The following CFAP61 variants were observed in gnomAD, a reference collection of about 807,000 sequenced individuals.
CFAP61 encodes cilia and flagella associated protein 61.
A neutral mutation model predicts 135.6 loss-of-function variants in CFAP61; 107 were observed. The ratio of observed to expected loss-of-function variants is 0.79; its 90% CI spans 0.67 to 0.93. The LOEUF (loss-of-function observed/expected upper bound fraction) is 0.93, where lower values mean the gene tolerates loss of function less well. Among genes scored for constraint, CFAP61 ranks in the 40% least tolerant of loss-of-function variants. CFAP61 has a pLI of 0.00. For synonymous variants in CFAP61, 575 were observed against 578.5 expected (o/e 0.99, Z 0.09); for missense variants, 1,507 against 1,556.2 (o/e 0.97, Z 0.53).
intron 9 of CFAP61, among the ~76,000 whole-genome samples, chr20:20,144,373 T>C (rs1456129639): frequency 2.0e-5 from 3 of 151,346 alleles, no homozygotes. Context: ...ATAAAAGATA[T>C]AAAAATGCCC....
At chr20:20,059,058 CAG>C (rs1381278629) in intron 2 of CFAP61, among the ~76,000 whole-genome samples, 1 of 152,118 alleles carries the variant, frequency 6.6e-6, no homozygotes, top group Non-Finnish European at 1.5e-5. Flanking sequence ...AGGCCGGACA[CAG>C]TGGCTCATGC....
chr20:20,185,347 G>A (rs2055420887), intron 13 of CFAP61, among the ~76,000 whole-genome samples: 1 of 152,206 alleles, frequency 6.6e-6, no homozygotes, highest in African/African-American at 2.4e-5. Context: ...GCAGAAATGT[G>A]GAGAGACACT....
intron 17 of CFAP61, among the ~76,000 whole-genome samples, chr20:20,224,614 C>T (rs1381463657): frequency 6.6e-6 from 1 of 152,050 alleles, no homozygotes; most frequent in Admixed American, 6.6e-5. Flanking sequence ...CACTTGAAAC[C>T]GGGAGGCGGA....
At chr20:20,326,131 T>C (rs1038321247) in intron 25 of CFAP61, among the ~76,000 whole-genome samples, 4 of 152,216 alleles carry the variant, frequency 2.6e-5, no homozygotes, top group African/African-American at 9.7e-5. Context: ...TCTTCTTTGG[T>C]GACGTGTCCA....
chr20:20,178,531 A>G (rs2054804040), intron 13 of CFAP61, among the ~76,000 whole-genome samples: 1 of 152,222 alleles, frequency 6.6e-6, no homozygotes, highest in Admixed American at 6.5e-5. Context: ...ATGTGGGGAA[A>G]CGTTTCAGAT....
chr20:20,060,401 A>C (rs184816638), intron 2 of CFAP61, among the ~76,000 whole-genome samples: 40 of 152,380 alleles, frequency 2.6e-4, no homozygotes, highest in African/African-American at 9.6e-4. Context: ...TGTCAACAAA[A>C]ATATGGAAAA....
intron 2 of CFAP61, 78 bp from the exon 3 acceptor site, chr20:20,070,776 C>G: frequency 7.2e-7 from 1 of 1,395,830 alleles, no homozygotes; most frequent in Non-Finnish European, 9.8e-7. Flanking sequence ...CTCCAGTAGC[C>G]AGAGGGAAAA....
chr20:20,355,103 G>T (rs1490979566), intron 26 of CFAP61, among the ~76,000 whole-genome samples: 3 of 149,560 alleles, frequency 2.0e-5, no homozygotes, highest in African/African-American at 7.4e-5. Context: ...GTCACACTGT[G>T]TGAGGGGAGG....
At chr20:20,309,778 G>A (rs140912694) in intron 25 of CFAP61, among the ~76,000 whole-genome samples, 70 of 152,142 alleles carry the variant, frequency 4.6e-4, no homozygotes, top group African/African-American at 1.4e-3. Flanking sequence ...AAGATGCCCA[G>A]GATAATTCAT....
At position 20,290,209 on chromosome 20, in the gene CFAP61, G is replaced by T. The variant is rs1601837328; in HGVS notation, c.3125-91G>T. The T allele has an allele frequency of 3.8e-5, 31 of 815,116 alleles. No individual in the cohort carries two copies. In the East Asian group the frequency reaches 7.5e-4, roughly 20 times the overall value. 50.5% of individuals were successfully genotyped at this position (815,116 alleles called of 1,614,324 possible). On this transcript the variant is annotated intron_variant, in intron 23 of 26. Transcript: ENST00000245957. The stretch of plus-strand genomic sequence containing the variant: ...AGTTTGAGGAGCATACGCCACTGCA[G>T]GCATCTGTTTGTCCTGTGATGAAAA...
intron 25 of CFAP61, among the ~76,000 whole-genome samples, chr20:20,327,077 T>C (rs2057777500): frequency 1.3e-5 from 2 of 152,152 alleles, no homozygotes; most frequent in South Asian, 2.1e-4. Flanking sequence ...AAAAAAGATA[T>C]TGGTAGTTGG....
rs1325631499 is a variant in CFAP61 at position 20,070,994 on chromosome 20, TC to T, written c.287del (p.Pro96HisfsTer5). ...VSVFRELDSD[I>X]PCTPLNTLFM... ...GTGTTCCGGGAGCTCGACAGTGACATCCCATGCACAGTAAGAAATCACATAC... is the reference window on the plus strand; with the variant it reads ...GTGTTCCGGGAGCTCGACAGTGACATCCATGCACAGTAAGAAATCACATAC... On this transcript the variant is annotated frameshift_variant, in exon 3 of 27. Transcript: ENST00000245957. LOFTEE classifies it high-confidence loss of function. 1 of 1,613,616 alleles carries T rather than the reference TC, an allele frequency of 6.2e-7. No homozygotes were observed.
intron 25 of CFAP61, among the ~76,000 whole-genome samples, chr20:20,333,013 A>C (rs2058057437): frequency 6.6e-6 from 1 of 152,222 alleles, no homozygotes; most frequent in Non-Finnish European, 1.5e-5. Flanking sequence ...CAGGCAAATT[A>C]ATTTATGCAG....
At chr20:20,223,463 A>T (rs2048531576) in intron 17 of CFAP61, among the ~76,000 whole-genome samples, 1 of 152,192 alleles carries the variant, frequency 6.6e-6, no homozygotes, top group Admixed American at 6.5e-5. Context: ...TTCACCATAG[A>T]TAGACAGCAT....
chr20:20,154,265 A>C (rs543002758), intron 9 of CFAP61, among the ~76,000 whole-genome samples: 1 of 152,226 alleles, frequency 6.6e-6, no homozygotes, highest in South Asian at 2.1e-4. Flanking sequence ...AACAAGGAAA[A>C]GTTGAAATCA....
At chr20:20,106,435 A>G (rs2048412368) in intron 8 of CFAP61, among the ~76,000 whole-genome samples, 1 of 152,232 alleles carries the variant, frequency 6.6e-6, no homozygotes, top group East Asian at 1.9e-4. Context: ...CAGCAACATG[A>G]CTGAGATCTG....
At chr20:20,306,188 T>C (rs2056463541) in intron 25 of CFAP61, among the ~76,000 whole-genome samples, 1 of 152,196 alleles carries the variant, frequency 6.6e-6, no homozygotes, top group Non-Finnish European at 1.5e-5. Flanking sequence ...AGCCAGCACA[T>C]GTCTGTTTTC....
intron 18 of CFAP61, 59 bp from the exon 19 acceptor site, chr20:20,246,058 T>A: frequency 9.4e-7 from 1 of 1,062,676 alleles, no homozygotes; most frequent in Non-Finnish European, 1.4e-6. Context: ...TGAATTATGA[T>A]AAACTTTTGC....
intron 8 of CFAP61, among the ~76,000 whole-genome samples, chr20:20,114,076 C>T (rs1017909444): frequency 2.6e-5 from 4 of 151,898 alleles, no homozygotes; most frequent in African/African-American, 9.7e-5. Context: ...CGAGACCACC[C>T]TGGGCAACAT....
Sources: allele counts gnomAD v4.1 joint callset (sites outside exome capture counted in the v4.1 genomes callset), GRCh38; gene constraint gnomAD v4.1.1; transcripts MANE v1.5; gene names NCBI Gene and HGNC (gene_info 2026-07-23, HGNC 2026-07-21).